The following SYNPO variants were observed in gnomAD, a reference collection of about 807,000 sequenced individuals.
SYNPO encodes synaptopodin.
Under a neutral mutation model 49.5 loss-of-function variants are expected in SYNPO, and 19 were observed. The ratio of observed to expected loss-of-function variants is 0.38; its 90% confidence interval spans 0.27 to 0.56. SYNPO has a LOEUF of 0.56. SYNPO is among the 20% of genes least tolerant of loss of function. SYNPO has a pLI of 0.68. For synonymous variants in SYNPO, 536 were observed against 548.0 expected (o/e 0.98, Z 0.31); for missense variants, 1,131 against 1,248.3 (o/e 0.91, Z 1.42).
At chr5:150,641,003 G>A (rs907116157) in intron 1 of SYNPO, 149 bp downstream of exon 1, 3 of 311,946 alleles carry the variant, frequency 9.6e-6, no homozygotes, top group Admixed American at 6.5e-5. Flanking sequence ...TGGTGAGGCG[G>A]GGGCTGGGCC....
chr5:150,617,810 G>A (rs1757023205), intron 1 of SYNPO: 1 of 152,236 alleles, frequency 6.6e-6, no homozygotes, highest in South Asian at 2.1e-4. Flanking sequence ...TATACTTGTG[G>A]TTTCTCTGCA....
chr5:150,606,321 A>G (rs1756692349), intron 1 of SYNPO, among the ~76,000 whole-genome samples: 1 of 152,104 alleles, frequency 6.6e-6, no homozygotes, highest in Non-Finnish European at 1.5e-5. Flanking sequence ...CAACCCCCTC[A>G]CTGCAGTAAT....
chr5:150,600,360 C>A (rs1447014854), upstream of SYNPO, among the ~76,000 whole-genome samples: 2 of 152,240 alleles, frequency 1.3e-5, no homozygotes, highest in African/African-American at 4.8e-5. Context: ...ACTCTCCCAG[C>A]CCACACAACA....
chr5:150,616,503 A>C (rs1166441118), intron 1 of SYNPO, among the ~76,000 whole-genome samples: 1 of 152,146 alleles, frequency 6.6e-6, no homozygotes, highest in Admixed American at 6.5e-5. Context: ...CTACCTGCCC[A>C]TCCTGGGCAT....
upstream of SYNPO, among the ~76,000 whole-genome samples, chr5:150,597,089 C>T (rs139402320): frequency 1.3e-5 from 2 of 152,342 alleles, no homozygotes; most frequent in East Asian, 3.9e-4. Context: ...CCTGTGGCTT[C>T]TGCTAAGTTG....
At chr5:150,644,330 A>C (rs1758015033) in intron 1 of SYNPO, among the ~76,000 whole-genome samples, 1 of 152,104 alleles carries the variant, frequency 6.6e-6, no homozygotes, top group South Asian at 2.1e-4. Context: ...AAGATGCAAG[A>C]ATTGTGTGGG....
chr5:150,633,143 G>T (rs1757596771), intron 2 of SYNPO, among the ~76,000 whole-genome samples: 1 of 152,200 alleles, frequency 6.6e-6, no homozygotes, highest in Admixed American at 6.5e-5. Context: ...GTGCATGGGT[G>T]GGGGAAACAG....
Position 150,603,426 on chromosome 5 carries a change from C to G in SYNPO, c.-266+2238C>G, listed in dbSNP as rs888429345. On this transcript the variant is annotated intron_variant, in intron 1 of 2. Coordinates refer to the SYNPO transcript ENST00000394243. ...CTTCTCCAGGCAAAGCTGGTCAGAG[C>G]TGGCATCTTTCAGGACATACTCCCT... Among the ~76,000 whole-genome samples the G allele has an allele frequency of 3.9e-5, 6 of 152,398 alleles. No homozygotes were observed. The East Asian group carries it at 1.2e-3, about 29-fold the overall frequency.
At chr5:150,586,743 C>T in the SYNPO span, among the ~76,000 whole-genome samples, 1 of 152,200 alleles carries the variant, frequency 6.6e-6, no homozygotes, top group African/African-American at 2.4e-5. Flanking sequence ...AGACTATCCT[C>T]AGGCCCTGGA....
chr5:150,656,905 G>A lies in SYNPO; in HGVS notation c.2530G>A (p.Ala844Thr), dbSNP rs758648142. 4.4e-6 allele frequency: 7 copies of A among 1,576,598 alleles called. No individual in the cohort carries two copies. The highest frequency in any genetic ancestry group is 1.4e-5 in the African/African-American group (1 of 73,862). The part of the protein sequence containing the change: ...SCTSPRSPLP[A>T]PPRPFLYRRS... ...CACCAGTCCCCGGAGCCCGCTGCCC[G>A]CGCCTCCCAGGCCCTTCCTCTACCG... Residue 844 changes from alanine to threonine, a missense_variant, in exon 3 of 3, where the codon GCG becomes ACG. Physicochemically the swap from Ala to Thr is moderately conservative, Grantham distance 58. Coordinates refer to ENST00000307662, the MANE Select transcript of SYNPO (RefSeq NM_007286.6).
At chr5:150,624,699 A>G (rs1016599868) in intron 2 of SYNPO, 5 of 373,868 alleles carry the variant, frequency 1.3e-5, no homozygotes, top group African/African-American at 2.2e-5. Flanking sequence ...CCGCCCGCCC[A>G]GCGCTCCCGG....
chr5:150,649,024 G>C lies in SYNPO; in HGVS notation c.749G>C (p.Gly250Ala). The stretch of plus-strand genomic sequence containing the variant: ...CCTTTTGGGATCCAGGCGCCAGGGG[G>C]CACCAGCCAGATGGAGAGGAGCCCC... ...ARPFGIQAPG[G>A]TSQMERSPML... is the part of the protein sequence containing the mutation. Residue 250 changes from glycine (G) to alanine (A), a missense_variant, in exon 2 of 3, where the codon GGC (glycine) becomes GCC (alanine). Gly to Ala is a moderately conservative substitution (Grantham distance 60). Transcript: ENST00000307662. The C allele has an allele frequency of 1.2e-6, 2 of 1,614,228 alleles. No individual in the cohort carries two copies. The highest frequency in any genetic ancestry group is 1.7e-6 in the Non-Finnish European group (2 of 1,180,036).
chr5:150,623,539 T>C (rs1757247700), intron 2 of SYNPO, among the ~76,000 whole-genome samples: 1 of 143,120 alleles, frequency 7.0e-6, no homozygotes, highest in South Asian at 2.5e-4. Flanking sequence ...CAACCTGCCC[T>C]CTACCCTGGG....
intron 1 of SYNPO, among the ~76,000 whole-genome samples, chr5:150,609,370 C>T (rs980795209): frequency 1.3e-5 from 2 of 152,212 alleles, no homozygotes; most frequent in African/African-American, 4.8e-5. Flanking sequence ...TCTCGGCTCA[C>T]TGCAACCTCC....
chr5:150,590,073 T>C, the SYNPO span, among the ~76,000 whole-genome samples: 1 of 152,254 alleles, frequency 6.6e-6, no homozygotes, highest in Non-Finnish European at 1.5e-5. Context: ...TTTTCATTTT[T>C]CCAAGCCTTG....
upstream of SYNPO, chr5:150,640,187 G>A (rs1456534263): frequency 2.0e-5 from 20 of 985,026 alleles, no homozygotes; most frequent in Non-Finnish European, 2.3e-5. Flanking sequence ...ACACAAGGTG[G>A]TGGTTATTAA....
chr5:150,640,061 T>G, upstream of SYNPO: 17 of 879,396 alleles, frequency 1.9e-5, no homozygotes, highest in South Asian at 5.2e-5. Flanking sequence ...AATATGGAGA[T>G]GAGGATAGTG....
At chr5:150,623,434 G>A (rs1757243173) in intron 2 of SYNPO, among the ~76,000 whole-genome samples, 1 of 151,966 alleles carries the variant, frequency 6.6e-6, no homozygotes, top group African/African-American at 2.4e-5. Flanking sequence ...CCACAGGCTG[G>A]GCTGCAGCCA....
intron 2 of SYNPO, among the ~76,000 whole-genome samples, chr5:150,635,452 T>G (rs1045613979): frequency 2.0e-5 from 3 of 152,230 alleles, no homozygotes; most frequent in Non-Finnish European, 4.4e-5. Context: ...AGAAGGGCCA[T>G]TAAAGAAAAC....
Sources: gnomAD v4.1 joint callset for allele counts (sites outside exome capture counted in the v4.1 genomes callset) on GRCh38, gnomAD v4.1.1 for gene constraint, MANE v1.5 for transcripts, NCBI Gene and HGNC (gene_info 2026-07-23, HGNC 2026-07-21) for gene names.